CRTAC1: variants seen among roughly 807,000 people sequenced by gnomAD.
The protein encoded by CRTAC1 is cartilage acidic protein 1, also known as acidic secreted protein in cartilage.
CRTAC1 carries 37 observed loss-of-function variants against 67.8 expected under a neutral mutation model. The observed-to-expected ratio is 0.55, with a 90% CI of 0.42 to 0.72. The LOEUF is 0.72. Among genes scored for constraint, CRTAC1 ranks in the 30% least tolerant of loss-of-function variants. The pLI, the probability that CRTAC1 is intolerant of heterozygous loss-of-function variation, is 0.00. For missense variants in CRTAC1, 780 were observed against 931.6 expected (o/e 0.84, Z 2.12); for synonymous variants, 348 against 371.0 (o/e 0.94, Z 0.71).
intron 4 of CRTAC1, among the ~76,000 whole-genome samples, chr10:97,918,860 T>G (rs1371268081): frequency 6.7e-6 from 1 of 149,988 alleles, no homozygotes; most frequent in Non-Finnish European, 1.5e-5. Flanking sequence ...CTCGGCTCAC[T>G]GCAGCCTCCA....
At chr10:97,969,840 T>A (rs1410561016) in intron 2 of CRTAC1, among the ~76,000 whole-genome samples, 2 of 152,130 alleles carry the variant, frequency 1.3e-5, no homozygotes, top group African/African-American at 4.8e-5. Flanking sequence ...TCCTCTCCCA[T>A]CCATTTTCAC....
At chr10:98,000,074 A>G (rs1842659931) in intron 2 of CRTAC1, among the ~76,000 whole-genome samples, 1 of 152,170 alleles carries the variant, frequency 6.6e-6, no homozygotes, top group African/African-American at 2.4e-5. Flanking sequence ...GAGCTGTTCT[A>G]TCACTCAGTA....
chr10:98,023,547 C>T (rs909201676), intron 1 of CRTAC1, among the ~76,000 whole-genome samples: 1 of 152,122 alleles, frequency 6.6e-6, no homozygotes, highest in African/African-American at 2.4e-5. Context: ...ATTTCCCCAC[C>T]TGAAAAAAGC....
At chr10:97,974,811 TTTC>T (rs2051771737) in intron 2 of CRTAC1, among the ~76,000 whole-genome samples, 1 of 152,182 alleles carries the variant, frequency 6.6e-6, no homozygotes, top group African/African-American at 2.4e-5. Flanking sequence ...AAAAGACCCC[TTTC>T]TTCTTCTTGA....
intron 2 of CRTAC1, among the ~76,000 whole-genome samples, chr10:97,967,005 C>G (rs1017674439): frequency 1.2e-4 from 17 of 145,700 alleles, no homozygotes; most frequent in East Asian, 4.1e-4. Flanking sequence ...CCCCCCCCCC[C>G]CGACATCCTA....
intron 3 of CRTAC1, among the ~76,000 whole-genome samples, chr10:97,927,975 G>T (rs1162582028): frequency 2.0e-5 from 3 of 152,236 alleles, no homozygotes; most frequent in Non-Finnish European, 4.4e-5. Context: ...CCTCATGAGA[G>T]GGTGGGGGCA....
At chr10:97,875,078 T>C (rs56354111) in intron 14 of CRTAC1, among the ~76,000 whole-genome samples, 14,871 of 152,286 alleles carry the variant, frequency 0.098, 798 homozygotes, top group Middle Eastern at 0.14. Flanking sequence ...CATGAACAAC[T>C]GGTTAAATAA....
chr10:98,013,491 C>T (rs1044333926), intron 1 of CRTAC1, among the ~76,000 whole-genome samples: 35 of 152,218 alleles, frequency 2.3e-4, no homozygotes, highest in African/African-American at 7.2e-4. Context: ...CTGTGTTATC[C>T]GTTTCCAGAT....
At chr10:98,023,643 A>G (rs1479077819) in intron 1 of CRTAC1, among the ~76,000 whole-genome samples, 2 of 152,224 alleles carry the variant, frequency 1.3e-5, no homozygotes, top group African/African-American at 4.8e-5. Context: ...CCAGAGTGAA[A>G]GGGAATGTGC....
At chr10:97,872,100 T>G (rs544561336) in intron 14 of CRTAC1, among the ~76,000 whole-genome samples, 26 of 152,128 alleles carry the variant, frequency 1.7e-4, no homozygotes, top group African/African-American at 5.5e-4. Context: ...GAGCCTGTCT[T>G]ACTCACTCCC....
At chr10:97,919,646 T>C (rs558595913) in intron 4 of CRTAC1, among the ~76,000 whole-genome samples, 1 of 152,230 alleles carries the variant, frequency 6.6e-6, no homozygotes, top group Admixed American at 6.5e-5. Context: ...GGGATCATGT[T>C]TGAAATATAG....
At chr10:97,971,380 G>T (rs116915385) in intron 2 of CRTAC1, among the ~76,000 whole-genome samples, 5,694 of 152,294 alleles carry the variant, frequency 0.037, 143 homozygotes, top group Non-Finnish European at 0.054. Context: ...AGGACATTAT[G>T]CTAAATGAAA....
At chr10:97,967,046 C>T (rs143288420) in intron 2 of CRTAC1, among the ~76,000 whole-genome samples, 127 of 151,510 alleles carry the variant, frequency 8.4e-4, no homozygotes, top group African/African-American at 3.0e-3. Flanking sequence ...CTATGCGGCA[C>T]CTACGCAGGA....
chr10:97,942,929 G>A (rs1454057175), intron 2 of CRTAC1, among the ~76,000 whole-genome samples: 2 of 151,890 alleles, frequency 1.3e-5, no homozygotes, highest in Non-Finnish European at 2.9e-5. Flanking sequence ...AAATTTAGCC[G>A]GGTGTGGTGG....
At chr10:97,949,529 C>T (rs1041587412) in intron 2 of CRTAC1, among the ~76,000 whole-genome samples, 2 of 152,236 alleles carry the variant, frequency 1.3e-5, no homozygotes, top group Admixed American at 6.5e-5. Flanking sequence ...GGCTGCCTTC[C>T]CCCAACCCTA....
At chr10:97,899,696 A>G (rs1360267081) in intron 8 of CRTAC1, among the ~76,000 whole-genome samples, 1 of 152,228 alleles carries the variant, frequency 6.6e-6, no homozygotes, top group African/African-American at 2.4e-5. Context: ...GTTAATAATT[A>G]TATTTTAAAA....
At chr10:97,943,383 A>G (rs2051209344) in intron 2 of CRTAC1, among the ~76,000 whole-genome samples, 1 of 152,260 alleles carries the variant, frequency 6.6e-6, no homozygotes, top group South Asian at 2.1e-4. Context: ...CTACAAAGAC[A>G]AATGGAGAGA....
intron 4 of CRTAC1, among the ~76,000 whole-genome samples, chr10:97,921,316 T>C (rs1201950347): frequency 6.6e-6 from 1 of 152,068 alleles, no homozygotes; most frequent in African/African-American, 2.4e-5. Flanking sequence ...ATGACTAGGG[T>C]GAGTGCTATA....
chr10:97,930,282 AG>A (rs2050984831), intron 3 of CRTAC1, among the ~76,000 whole-genome samples: 1 of 152,224 alleles, frequency 6.6e-6, no homozygotes, highest in Non-Finnish European at 1.5e-5. Flanking sequence ...GTTCCTTGTT[AG>A]GACCATGGGG....
Sources: allele counts gnomAD v4.1 joint callset (sites outside exome capture counted in the v4.1 genomes callset), GRCh38; gene constraint gnomAD v4.1.1; transcripts MANE v1.5; gene names NCBI Gene and HGNC (gene_info 2026-07-23, HGNC 2026-07-21).